Variants in SP4 observed in about 807,000 individuals in gnomAD.
SP4 encodes the protein Sp4 transcription factor.
A neutral mutation model predicts 72.8 loss-of-function variants in SP4; 19 were observed. The observed-to-expected ratio is 0.26, with a 90% CI of 0.18 to 0.38. The LOEUF is 0.38. Among genes scored for constraint, SP4 ranks in the 10% least tolerant of loss-of-function variants. SP4 has a pLI of 1.00. For missense variants in SP4, 1,008 were observed against 926.3 expected, an observed-to-expected ratio of 1.09 and a Z score of -1.14; for synonymous variants, 395 against 333.1, an observed-to-expected ratio of 1.19 and a Z score of -2.02.
intron 5 of SP4, among the ~76,000 whole-genome samples, chr7:21,506,072 G>C (rs6966442): frequency 0.32 from 49,086 of 151,938 alleles, 8,416 homozygotes; most frequent in Non-Finnish European, 0.36. Flanking sequence ...ATCAGGTCTC[G>C]ACACAGGAGG....
chr7:21,508,951 T>C (rs916116614), intron 5 of SP4, among the ~76,000 whole-genome samples: 2 of 152,082 alleles, frequency 1.3e-5, no homozygotes, highest in South Asian at 4.1e-4. Context: ...CGATTGATTG[T>C]GAATCTGGCC....
At chr7:21,428,343 C>T in intron 1 of SP4, 85 bp downstream of exon 1, 2 of 733,514 alleles carry the variant, frequency 2.7e-6, no homozygotes, top group South Asian at 1.5e-5. Flanking sequence ...CTCCCCCCTC[C>T]CCCGGGGCCG....
chr7:21,482,253 T>C (rs1228322650), intron 5 of SP4, 130 bp downstream of exon 5: 11 of 676,298 alleles, frequency 1.6e-5, no homozygotes, highest in Non-Finnish European at 2.8e-5. Context: ...AGCAATTATA[T>C]GGAAGATGTT....
chr7:21,429,273 G>T lies in SP4; in HGVS notation c.124-16G>T, dbSNP rs1376166184. 4 of 1,412,730 alleles carry T rather than the reference G, an allele frequency of 2.8e-6. No individual in the cohort carries two copies. Among genetic ancestry groups the T allele is most frequent in the African/African-American group, 1.6e-5 (1 of 62,960 alleles). 87.5% of individuals were successfully genotyped at this position (1,412,730 alleles called of 1,614,324 possible). On this transcript the variant is annotated splice_polypyrimidine_tract_variant and intron_variant, in intron 2 of 5. Coordinates refer to ENST00000222584, the MANE Select transcript of SP4 (RefSeq NM_003112.5). ...TTTTCCCCCCCCCCTCTCCTTTACC[G>T]TCCCATTTTGGGTAGGACTCTCAGC...
chr7:21,431,312 C>T (rs192886579), intron 3 of SP4, among the ~76,000 whole-genome samples: 6 of 152,234 alleles, frequency 3.9e-5, no homozygotes, highest in Admixed American at 3.3e-4. Flanking sequence ...ATTTCTCAAG[C>T]TTCAGCATCT....
chr7:21,477,531 TCCCCACCCCTC>T (rs1368908073), intron 4 of SP4, among the ~76,000 whole-genome samples: 2 of 152,024 alleles, frequency 1.3e-5, no homozygotes, highest in East Asian at 1.9e-4. Flanking sequence ...TTTTCTTTCT[TCCCCACCCCTC>T]CCCCACCCCA....
intron 3 of SP4, among the ~76,000 whole-genome samples, chr7:21,451,915 T>C (rs995284253): frequency 6.6e-6 from 1 of 152,202 alleles, no homozygotes; most frequent in African/African-American, 2.4e-5. Flanking sequence ...ATGCCAGCTG[T>C]AGTCATGCCG....
At chr7:21,451,103 C>T (rs1414485226) in intron 3 of SP4, among the ~76,000 whole-genome samples, 3 of 152,186 alleles carry the variant, frequency 2.0e-5, no homozygotes, top group South Asian at 2.1e-4. Context: ...GGAGGGGCTG[C>T]ACGTGCAGTG....
chr7:21,475,928 C>T (rs1044787873), intron 3 of SP4, among the ~76,000 whole-genome samples: 6 of 151,932 alleles, frequency 3.9e-5, no homozygotes, highest in African/African-American at 1.5e-4. Flanking sequence ...CTTGTTATTC[C>T]CACACCTGAT....
At chr7:21,442,859 C>T (rs1332685713) in intron 3 of SP4, among the ~76,000 whole-genome samples, 2 of 152,282 alleles carry the variant, frequency 1.3e-5, no homozygotes, top group South Asian at 2.1e-4. Flanking sequence ...CCTCAGCCTC[C>T]TGAGTAGCTG....
At chr7:21,448,715 T>C (rs933678346) in intron 3 of SP4, among the ~76,000 whole-genome samples, 1 of 152,238 alleles carries the variant, frequency 6.6e-6, no homozygotes, top group African/African-American at 2.4e-5. Flanking sequence ...GTGTAAAGTA[T>C]TATTACATCG....
At chr7:21,475,350 G>A (rs765848037) in intron 3 of SP4, among the ~76,000 whole-genome samples, 7 of 152,016 alleles carry the variant, frequency 4.6e-5, no homozygotes, top group Non-Finnish European at 7.4e-5. Flanking sequence ...TCCTGACCTC[G>A]TGTTCCACCT....
At chr7:21,451,369 C>T (rs575216983) in intron 3 of SP4, among the ~76,000 whole-genome samples, 1 of 152,296 alleles carries the variant, frequency 6.6e-6, no homozygotes, top group East Asian at 1.9e-4. Flanking sequence ...TGCCTGACCA[C>T]CTGATATTCT....
chr7:21,500,615 A>C (rs1381757861), intron 5 of SP4, among the ~76,000 whole-genome samples: 1 of 152,156 alleles, frequency 6.6e-6, no homozygotes, highest in Non-Finnish European at 1.5e-5. Flanking sequence ...TTTCCTTGCC[A>C]GCTGGCAGTT....
intron 3 of SP4, among the ~76,000 whole-genome samples, chr7:21,466,895 C>G (rs899986397): frequency 6.6e-6 from 1 of 151,794 alleles, no homozygotes; most frequent in African/African-American, 2.4e-5. Context: ...TTTTCAAAGG[C>G]TTTAATTCAG....
intron 5 of SP4, among the ~76,000 whole-genome samples, chr7:21,497,009 C>T (rs1201288060): frequency 6.6e-6 from 1 of 152,244 alleles, no homozygotes; most frequent in Admixed American, 6.5e-5. Flanking sequence ...TCTTCTGAAT[C>T]TCTTAGCTCT....
chr7:21,428,188 G>GGCCCCCCCCCCCCCCC lies in SP4; in HGVS notation c.-64_-63insGCCCCCCCCCCCCCCC. The GGCCCCCCCCCCCCCCC allele has an allele frequency of 2.7e-6, 1 of 371,878 alleles. No individual in the cohort carries two copies. Among genetic ancestry groups the GGCCCCCCCCCCCCCCC allele is most frequent in the Non-Finnish European group, 5.0e-6 (1 of 198,074 alleles). 23.0% of individuals were successfully genotyped at this position (371,878 alleles called of 1,614,324 possible). ...CGGGACCGGCCTCTCCTCCCGCCTCGCCCCCACCCCCACCCACCTCTATCC... is the reference window on the plus strand; with the variant it reads ...CGGGACCGGCCTCTCCTCCCGCCTCGGCCCCCCCCCCCCCCCCCCCCACCCCCACCCACCTCTATCC... On this transcript the variant is annotated 5_prime_UTR_variant, in exon 1 of 6. Coordinates refer to ENST00000222584, the MANE Select transcript of SP4 (RefSeq NM_003112.5).
chr7:21,481,615 G>A (rs10276352), intron 4 of SP4, among the ~76,000 whole-genome samples: 78,168 of 151,978 alleles, frequency 0.51, 20,615 homozygotes, highest in Middle Eastern at 0.67. Context: ...TTTTAGAGAA[G>A]TTTCAAGTGT....
In SP4 at chr7:21,513,770, A is replaced by C. The variant is rs916680193; in HGVS notation, c.*2501A>C. On this transcript the variant is annotated 3_prime_UTR_variant, in exon 6 of 6. Transcript: ENST00000222584. Reference sequence around the variant, plus strand: ...TTAATCAACAATGAGGCCTATTATAAATTTATCAGATGAATCTAGATAGCT... The same window carrying C: ...TTAATCAACAATGAGGCCTATTATACATTTATCAGATGAATCTAGATAGCT... 12 of 152,218 alleles carry C rather than the reference A, an allele frequency of 7.9e-5. No homozygotes were observed. The highest frequency in any genetic ancestry group is 5.2e-4 in the Admixed American group (8 of 15,280). The allele number at this position is 152,218 out of a possible 1,614,324, so 9.4% of individuals were successfully genotyped here.
Sources: gnomAD v4.1 joint callset for allele counts (sites outside exome capture counted in the v4.1 genomes callset) on GRCh38, gnomAD v4.1.1 for gene constraint, MANE v1.5 for transcripts, NCBI Gene and HGNC (gene_info 2026-07-23, HGNC 2026-07-21) for gene names.